Variants in PCNX2 observed in about 807,000 individuals in gnomAD.
PCNX2 encodes the protein pecanex 2.
A neutral mutation model predicts 223.8 loss-of-function variants in PCNX2; 168 were observed. The observed-to-expected ratio is 0.75, with a 90% CI of 0.66 to 0.85. The LOEUF (loss-of-function observed/expected upper bound fraction) is 0.85, where lower values mean the gene tolerates loss of function less well. Ranked by LOEUF, PCNX2 falls within the 40% of genes least tolerant of loss-of-function variation. The pLI is 0.00. For missense variants in PCNX2, 2,507 were observed against 2,675.5 expected (o/e 0.94, Z 1.39); for synonymous variants, 1,006 against 1,052.6 (o/e 0.96, Z 0.86).
chr1:233,117,615 A>C, intron 21 of PCNX2, among the ~76,000 whole-genome samples: 1 of 150,276 alleles, frequency 6.7e-6, no homozygotes, highest in Non-Finnish European at 1.5e-5. Context: ...AAAAAAAAAA[A>C]AAGACCACAA....
the PCNX2 span, among the ~76,000 whole-genome samples, chr1:233,325,705 T>C: frequency 2.0e-5 from 3 of 152,060 alleles, no homozygotes; most frequent in Non-Finnish European, 2.9e-5. Context: ...AGTTGCTTCT[T>C]ATGGAGAGGC....
intron 32 of PCNX2, among the ~76,000 whole-genome samples, chr1:232,988,065 T>C (rs879113578): frequency 2.6e-5 from 4 of 152,200 alleles, no homozygotes; most frequent in Admixed American, 2.0e-4. Flanking sequence ...AGTAGTTGAA[T>C]ATATTCCTCT....
rs1378653242 is a variant in PCNX2, at chr1:233,261,315, A to T, written c.487T>A (p.Ser163Thr). The T allele has an allele frequency of 1.2e-6, 2 of 1,612,964 alleles. No homozygotes were observed. The highest frequency in any genetic ancestry group is 2.7e-5 in the African/African-American group (2 of 75,046). The change falls in exon 4 of 34, where the codon TCA becomes ACA. Residue 163 changes from serine (S) to threonine (T), a missense_variant. By Grantham distance (58) the Ser-to-Thr change is moderately conservative. Coordinates refer to ENST00000258229, the MANE Select transcript of PCNX2 (RefSeq NM_014801.4). Reference protein sequence around the residue: ...SHHSSGPLELSAQETVEDLKG... With the variant: ...SHHSSGPLELTAQETVEDLKG... ...AGATCTTCTACAGTTTCCTGTGCTG[A>T]CAACTCCTACACAAATGAAAGAAAC... is the stretch of plus-strand genomic sequence containing the variant.
At chr1:233,135,713 AAAT>A (rs1676765875) in intron 20 of PCNX2, among the ~76,000 whole-genome samples, 1 of 152,366 alleles carries the variant, frequency 6.6e-6, no homozygotes, top group South Asian at 2.1e-4. Flanking sequence ...TGAATAGAGA[AAAT>A]AATCCAGTAT....
At chr1:233,012,297 G>C (rs991719856) in intron 28 of PCNX2, among the ~76,000 whole-genome samples, 1 of 152,042 alleles carries the variant, frequency 6.6e-6, no homozygotes, top group Admixed American at 6.6e-5. Context: ...GTTGAAGAGC[G>C]GTGGGGCCCT....
chr1:233,024,778 C>A (rs1370617541), intron 26 of PCNX2, among the ~76,000 whole-genome samples: 1 of 152,192 alleles, frequency 6.6e-6, no homozygotes, highest in Non-Finnish European at 1.5e-5. Flanking sequence ...GGACACTGTG[C>A]AGAGCATCTA....
At chr1:233,161,905 T>C (rs910044927) in intron 17 of PCNX2, among the ~76,000 whole-genome samples, 2 of 150,892 alleles carry the variant, frequency 1.3e-5, no homozygotes, top group Admixed American at 6.6e-5. Context: ...ATTTTGCATT[T>C]TAATTTACCA....
intron 23 of PCNX2, among the ~76,000 whole-genome samples, chr1:233,079,527 CAA>C (rs1160625472): frequency 2.7e-4 from 19 of 69,370 alleles, no homozygotes; most frequent in Admixed American, 3.5e-4. Context: ...CACTCCGTCT[CAA>C]AAAAAAAAAA....
chr1:233,129,283 A>AGCAGTGCCAGCCCACCGGT, intron 21 of PCNX2, among the ~76,000 whole-genome samples: 2 of 152,314 alleles, frequency 1.3e-5, no homozygotes, highest in Admixed American at 1.3e-4. Context: ...TGGGTCCCCC[A>AGCAGTGCCAGCCCACCGGT]GCAGTGCCAG....
Position 233,295,694 on chromosome 1 carries a change from G to A in PCNX2, c.-216C>T. The A allele has an allele frequency of 2.3e-6, 1 of 443,682 alleles. No homozygotes were observed. The highest frequency in any genetic ancestry group is 3.7e-6 in the Non-Finnish European group (1 of 272,372). The allele number at this position is 443,682 out of a possible 1,614,324, so 27.5% of individuals were successfully genotyped here. ...CCGCGGCGCCGGAGCCGGCTGCTGCGGCCGGGCAGGTGAGCGCCATGTCCG... is the reference window on the plus strand; with the variant it reads ...CCGCGGCGCCGGAGCCGGCTGCTGCAGCCGGGCAGGTGAGCGCCATGTCCG... On this transcript the variant is annotated 5_prime_UTR_variant, in exon 1 of 34. Coordinates refer to ENST00000258229, the MANE Select transcript of PCNX2 (RefSeq NM_014801.4). The surrounding 1 kb of genome is among the most constrained non-coding windows in gnomAD (Gnocchi z 4.1).
intron 12 of PCNX2, among the ~76,000 whole-genome samples, chr1:233,209,203 CT>C (rs1263237836): frequency 6.6e-6 from 1 of 152,126 alleles, no homozygotes; most frequent in African/African-American, 2.4e-5. Context: ...CATAAAATGT[CT>C]TAGTGTGCAC....
intron 25 of PCNX2, among the ~76,000 whole-genome samples, chr1:233,040,712 G>A (rs1300850372): frequency 1.3e-5 from 2 of 151,984 alleles, no homozygotes; most frequent in Non-Finnish European, 1.5e-5. Flanking sequence ...CGTCACTCTT[G>A]GGGATGTCAA....
At chr1:233,048,898 G>C (rs538436495) in intron 25 of PCNX2, among the ~76,000 whole-genome samples, 1 of 152,068 alleles carries the variant, frequency 6.6e-6, no homozygotes, top group Non-Finnish European at 1.5e-5. Flanking sequence ...ATACAAACTA[G>C]AATATCTAGA....
intron 21 of PCNX2, among the ~76,000 whole-genome samples, chr1:233,121,409 A>G (rs1371957611): frequency 6.6e-6 from 1 of 152,226 alleles, no homozygotes; most frequent in Non-Finnish European, 1.5e-5. Context: ...AAGAAAACAA[A>G]GTTGGAAAAA....
At chr1:233,102,898 G>C (rs74823884) in intron 21 of PCNX2, among the ~76,000 whole-genome samples, 4 of 151,934 alleles carry the variant, frequency 2.6e-5, no homozygotes, top group African/African-American at 7.3e-5. Flanking sequence ...TTTTGGCCTC[G>C]GTTGTCTGTG....
intron 15 of PCNX2, among the ~76,000 whole-genome samples, chr1:233,186,018 C>G (rs535527119): frequency 6.6e-6 from 1 of 152,138 alleles, no homozygotes; most frequent in Non-Finnish European, 1.5e-5. Context: ...CGGCTTTGTA[C>G]AAAAAAGCAC....
At chr1:233,267,726 T>C (rs11581430) in intron 1 of PCNX2, among the ~76,000 whole-genome samples, 15,095 of 152,256 alleles carry the variant, frequency 0.099, 916 homozygotes, top group South Asian at 0.19. Context: ...GAGTAATATT[T>C]CATTGTATGG....
intron 31 of PCNX2, 110 bp downstream of exon 31, chr1:232,998,995 A>G: frequency 7.9e-7 from 1 of 1,266,808 alleles, no homozygotes; most frequent in Non-Finnish European, 1.1e-6. Flanking sequence ...TTTTAATCAT[A>G]TGAGAAAATG....
At chr1:233,079,905 C>T (rs577844148) in intron 23 of PCNX2, among the ~76,000 whole-genome samples, 11 of 152,290 alleles carry the variant, frequency 7.2e-5, no homozygotes, top group Admixed American at 3.3e-4. Flanking sequence ...ACTAAAGTCC[C>T]GGAACTCACT....
Sources: gnomAD v4.1 joint callset for allele counts (sites outside exome capture counted in the v4.1 genomes callset) on GRCh38, gnomAD v4.1.1 for gene constraint, Gnocchi (gnomAD v3.1) non-coding constraint, MANE v1.5 for transcripts, NCBI Gene and HGNC (gene_info 2026-07-23, HGNC 2026-07-21) for gene names.